The following CCDC30 variants were observed in gnomAD, a reference collection of about 807,000 sequenced individuals.
The protein encoded by CCDC30 is coiled-coil domain containing 30, also known as coiled-coil domain-containing protein 30.
In CCDC30, 70 loss-of-function variants were observed where a neutral mutation model predicts 100.2. The ratio of observed to expected loss-of-function variants is 0.70; its 90% CI spans 0.58 to 0.85. The LOEUF is 0.85. Among genes scored for constraint, CCDC30 ranks in the 40% least tolerant of loss-of-function variants. CCDC30 has a pLI of 0.00. For missense variants in CCDC30, 652 were observed against 771.2 expected, an observed-to-expected ratio of 0.85 and a Z score of 1.83; for synonymous variants, 233 against 269.5, an observed-to-expected ratio of 0.86 and a Z score of 1.33.
At chr1:42,500,397 A>G in intron 6 of CCDC30, 1 of 1,083,646 alleles carries the variant, frequency 9.2e-7, no homozygotes, top group Non-Finnish European at 1.4e-6. Context: ...TGGTCTGCGC[A>G]GTGGCCACCA....
the CCDC30 span, chr1:42,456,612 C>A: frequency 6.5e-7 from 1 of 1,534,654 alleles, no homozygotes; most frequent in South Asian, 1.3e-5. Flanking sequence ...CCTCCCGGTG[C>A]TGCGCGCTGG....
intron 13 of CCDC30, among the ~76,000 whole-genome samples, chr1:42,644,127 T>G (rs1237845235): frequency 1.3e-5 from 2 of 152,116 alleles, no homozygotes; most frequent in Admixed American, 1.3e-4. Context: ...TATGTATATG[T>G]AAAGGAGAGT....
chr1:42,623,457 A>T (rs1442809463), intron 11 of CCDC30, among the ~76,000 whole-genome samples: 1 of 152,190 alleles, frequency 6.6e-6, no homozygotes, highest in Admixed American at 6.5e-5. Flanking sequence ...GCATATGGAC[A>T]TCCAGTTTTC....
At chr1:42,539,192 C>T (rs1301693679) in intron 6 of CCDC30, 2 of 1,590,374 alleles carry the variant, frequency 1.3e-6, no homozygotes, top group Non-Finnish European at 1.7e-6. Context: ...AAATCAAAGT[C>T]AGAGCTTATA....
chr1:42,637,983 A>T (rs1647191924), intron 12 of CCDC30, among the ~76,000 whole-genome samples: 1 of 152,212 alleles, frequency 6.6e-6, no homozygotes, highest in Admixed American at 6.5e-5. Flanking sequence ...CCCTTTCAGA[A>T]TATTGAGAAC....
At chr1:42,634,545 T>G (rs1647111503) in intron 11 of CCDC30, among the ~76,000 whole-genome samples, 1 of 152,160 alleles carries the variant, frequency 6.6e-6, no homozygotes, top group Non-Finnish European at 1.5e-5. Context: ...AGAACAACAT[T>G]CTTTTTGTTT....
intron 11 of CCDC30, among the ~76,000 whole-genome samples, chr1:42,634,316 T>C (rs1647105820): frequency 6.7e-6 from 1 of 150,216 alleles, no homozygotes; most frequent in South Asian, 2.1e-4. Context: ...CATTTGGCAA[T>C]GTCTGGAGAC....
chr1:42,531,494 C>T (rs1462547002), intron 6 of CCDC30, among the ~76,000 whole-genome samples: 1 of 152,182 alleles, frequency 6.6e-6, no homozygotes, highest in Non-Finnish European at 1.5e-5. Context: ...GGCACAATGA[C>T]TCACACCTGT....
In CCDC30 at chr1:42,577,249, A is replaced by G. The variant is rs1645859083; in HGVS notation, c.846+20A>G. On this transcript the variant is annotated intron_variant, in intron 8 of 16. Coordinates refer to ENST00000668663, the Ensembl canonical transcript of CCDC30. ...GAAAAGGTAATTATCCTCATGCTTAATAAACAGCATACACTGAATACCACT... is the reference window on the plus strand; with the variant it reads ...GAAAAGGTAATTATCCTCATGCTTAGTAAACAGCATACACTGAATACCACT... 6.7e-7 allele frequency: 1 copy of G among 1,483,192 alleles called. No individual in the cohort carries two copies. Among genetic ancestry groups the G allele is most frequent in the East Asian group, 2.3e-5 (1 of 44,144 alleles). 91.9% of individuals were successfully genotyped at this position (1,483,192 alleles called of 1,614,324 possible).
At chr1:42,480,798 G>C (rs1643944006) in intron 2 of CCDC30, among the ~76,000 whole-genome samples, 1 of 152,076 alleles carries the variant, frequency 6.6e-6, no homozygotes, top group Non-Finnish European at 1.5e-5. Context: ...TTTCACCTTA[G>C]AAGTATTTTG....
intron 3 of CCDC30, among the ~76,000 whole-genome samples, chr1:42,487,363 G>A (rs1331423912): frequency 2.6e-5 from 4 of 152,146 alleles, no homozygotes; most frequent in African/African-American, 7.2e-5. Context: ...GGAAATAAGT[G>A]TATTAGGTGA....
intron 6 of CCDC30, among the ~76,000 whole-genome samples, chr1:42,549,211 T>G (rs991352196): frequency 1.3e-5 from 2 of 152,174 alleles, no homozygotes; most frequent in African/African-American, 4.8e-5. Flanking sequence ...CTTTTATGTT[T>G]CATATATTGG....
At chr1:42,551,524 G>T (rs565911849) in intron 6 of CCDC30, among the ~76,000 whole-genome samples, 1 of 152,050 alleles carries the variant, frequency 6.6e-6, no homozygotes, top group Admixed American at 6.6e-5. Context: ...AGATGCAGAC[G>T]TGCTGGCTAT....
intron 6 of CCDC30, chr1:42,510,180 G>A (rs1644455016): frequency 1.1e-6 from 1 of 874,146 alleles, no homozygotes; most frequent in Admixed American, 6.2e-5. Context: ...CTTCCAATTG[G>A]GAATGATGAT....
chr1:42,599,608 GA>G (rs1302468935), intron 10 of CCDC30, among the ~76,000 whole-genome samples: 2 of 152,096 alleles, frequency 1.3e-5, no homozygotes, highest in African/African-American at 4.8e-5. Context: ...AATTAAAAAA[GA>G]ATGTCCAAAT....
At chr1:42,630,590 C>T (rs1647019636) in intron 11 of CCDC30, among the ~76,000 whole-genome samples, 1 of 151,906 alleles carries the variant, frequency 6.6e-6, no homozygotes. Context: ...CCATGTTGGC[C>T]AGGCTGTTCT....
At chr1:42,510,562 C>T (rs4603169) in intron 6 of CCDC30, among the ~76,000 whole-genome samples, 20,674 of 151,256 alleles carry the variant, frequency 0.14, 1,553 homozygotes, top group East Asian at 0.19. Flanking sequence ...GAGGCTGAGG[C>T]AGGAGAATCA....
At chr1:42,469,942 C>T (rs922958358) in intron 1 of CCDC30, among the ~76,000 whole-genome samples, 1 of 152,276 alleles carries the variant, frequency 6.6e-6, no homozygotes, top group Admixed American at 6.5e-5. Context: ...AAGCTTGGCT[C>T]AGACCAGAGG....
chr1:42,621,267 A>G (rs1646824408), intron 11 of CCDC30, among the ~76,000 whole-genome samples: 1 of 152,122 alleles, frequency 6.6e-6, no homozygotes, highest in Non-Finnish European at 1.5e-5. Flanking sequence ...TCATCCCCTC[A>G]AGCATTTGCA....
Sources: allele counts gnomAD v4.1 joint callset (sites outside exome capture counted in the v4.1 genomes callset), GRCh38; gene constraint gnomAD v4.1.1; transcripts MANE v1.5; gene names NCBI Gene and HGNC (gene_info 2026-07-23, HGNC 2026-07-21).